PPFIA2: variants seen among roughly 807,000 people sequenced by gnomAD.
PPFIA2 encodes liprin-alpha-2.
In PPFIA2, 46 loss-of-function variants were observed where a neutral mutation model predicts 175.5. The ratio of observed to expected loss-of-function variants is 0.26; its 90% confidence interval spans 0.21 to 0.34. The LOEUF is 0.34. Among genes scored for constraint, PPFIA2 ranks in the 10% least tolerant of loss-of-function variants. The pLI is 1.00. For synonymous variants in PPFIA2, 568 were observed against 511.4 expected, an observed-to-expected ratio of 1.11 and a Z score of -1.49; for missense variants, 1,179 against 1,506.1, an observed-to-expected ratio of 0.78 and a Z score of 3.60.
intron 4 of PPFIA2, among the ~76,000 whole-genome samples, chr12:81,594,410 T>C (rs556307707): frequency 2.6e-5 from 4 of 152,268 alleles, no homozygotes; most frequent in Admixed American, 2.6e-4. Flanking sequence ...AATAAATAAA[T>C]ATATCTTAAA....
intron 4 of PPFIA2, among the ~76,000 whole-genome samples, chr12:81,555,703 A>G (rs1196647685): frequency 6.6e-6 from 1 of 151,956 alleles, no homozygotes; most frequent in East Asian, 1.9e-4. Context: ...CAAATCTGTA[A>G]GTCAGTAAAT....
intron 4 of PPFIA2, among the ~76,000 whole-genome samples, chr12:81,496,594 C>A (rs115044143): frequency 7.3e-4 from 111 of 152,136 alleles, no homozygotes; most frequent in African/African-American, 2.7e-3. Context: ...TGTGGCAAAA[C>A]AATCATAAAT....
At chr12:81,336,298 T>C (rs181548587) in intron 21 of PPFIA2, among the ~76,000 whole-genome samples, 12 of 152,312 alleles carry the variant, frequency 7.9e-5, no homozygotes, top group Non-Finnish European at 1.8e-4. Flanking sequence ...TGCTTTTCAA[T>C]ACAGTGCTTC....
At chr12:81,750,600 T>G (rs1922542) in intron 3 of PPFIA2, among the ~76,000 whole-genome samples, 127,531 of 151,616 alleles carry the variant, frequency 0.84, 54,968 homozygotes, top group Middle Eastern at 0.96. Context: ...GCTAAGAAAC[T>G]TCAGGCCTGG....
chr12:81,745,490 C>G (rs1347368356), intron 3 of PPFIA2, among the ~76,000 whole-genome samples: 1 of 152,172 alleles, frequency 6.6e-6, no homozygotes, highest in African/African-American at 2.4e-5. Context: ...GAAGCAATGA[C>G]CTTTTTTTTC....
intron 4 of PPFIA2, among the ~76,000 whole-genome samples, chr12:81,481,445 A>G (rs117071545): frequency 0.076 from 11,511 of 152,166 alleles, 568 homozygotes; most frequent in East Asian, 0.2. Context: ...ACAATACTAA[A>G]CAAAAAGAAC....
intron 4 of PPFIA2, among the ~76,000 whole-genome samples, chr12:81,494,286 C>A (rs1401363617): frequency 1.3e-5 from 2 of 151,856 alleles, no homozygotes; most frequent in East Asian, 3.9e-4. Flanking sequence ...GGGCAAAGGA[C>A]ATGAACAGAC....
chr12:81,577,574 A>C (rs2073771361), intron 4 of PPFIA2, among the ~76,000 whole-genome samples: 1 of 151,922 alleles, frequency 6.6e-6, no homozygotes, highest in African/African-American at 2.4e-5. Context: ...AAAGATTTTC[A>C]GCAAGAAAGT....
intron 4 of PPFIA2, among the ~76,000 whole-genome samples, chr12:81,611,333 C>T (rs571111495): frequency 1.1e-4 from 17 of 152,270 alleles, no homozygotes; most frequent in Non-Finnish European, 2.2e-4. Flanking sequence ...ACTGGCCCCT[C>T]TCAGTGTTCT....
Position 81,314,242 on chromosome 12 carries a change from A to C in PPFIA2, c.2642+11535T>G, listed in dbSNP as rs571313606. Among the ~76,000 whole-genome samples, 5 of 152,028 alleles carry C rather than the reference A, an allele frequency of 3.3e-5. No individual in the cohort carries two copies. In the East Asian group the frequency reaches 9.6e-4, roughly 29 times the overall value. ...ATAAACTTCATATAGGAGGTAATAT[A>C]TATTTGCAGAGAAGTTTTTTCTGAT... On this transcript the variant is annotated intron_variant, in intron 22 of 32. Coordinates refer to ENST00000549396, the MANE Select transcript of PPFIA2 (RefSeq NM_003625.5).
At chr12:81,715,991 C>G (rs780477264) in intron 3 of PPFIA2, among the ~76,000 whole-genome samples, 50 of 150,956 alleles carry the variant, frequency 3.3e-4, no homozygotes, top group Non-Finnish European at 6.2e-4. Context: ...TTTTCTGTAA[C>G]AAATATTTAA....
chr12:81,633,781 T>C (rs1374322150), intron 4 of PPFIA2, among the ~76,000 whole-genome samples: 3 of 152,104 alleles, frequency 2.0e-5, no homozygotes, highest in African/African-American at 7.2e-5. Flanking sequence ...AAATTAGCCA[T>C]AATTCCTTAT....
At chr12:81,323,328 C>T (rs1041024269) in intron 22 of PPFIA2, among the ~76,000 whole-genome samples, 3 of 152,048 alleles carry the variant, frequency 2.0e-5, no homozygotes, top group Non-Finnish European at 4.4e-5. Context: ...CACCATTTTG[C>T]CAGTCCAATG....
At chr12:81,666,669 AGTTACTGG>A (rs1387096953) in intron 4 of PPFIA2, among the ~76,000 whole-genome samples, 1 of 152,108 alleles carries the variant, frequency 6.6e-6, no homozygotes, top group Non-Finnish European at 1.5e-5. Context: ...TTAATTGACG[AGTTACTGG>A]GTGCAGCACA....
intron 4 of PPFIA2, among the ~76,000 whole-genome samples, chr12:81,556,777 G>T (rs1286427750): frequency 1.3e-5 from 2 of 151,844 alleles, no homozygotes; most frequent in East Asian, 3.9e-4. Flanking sequence ...AAACCTGGGG[G>T]CTACCCATTG....
intron 7 of PPFIA2, among the ~76,000 whole-genome samples, chr12:81,425,830 C>G (rs143551314): frequency 7.2e-5 from 11 of 152,186 alleles, no homozygotes; most frequent in African/African-American, 2.6e-4. Flanking sequence ...ATGAAAAATA[C>G]CATTTTGGCT....
chr12:81,499,284 T>C (rs1321276200), intron 4 of PPFIA2, among the ~76,000 whole-genome samples: 1 of 152,216 alleles, frequency 6.6e-6, no homozygotes, highest in Non-Finnish European at 1.5e-5. Context: ...CCCAACTGTT[T>C]GTTTTCTTTC....
chr12:81,456,713 T>C (rs2053629417), intron 5 of PPFIA2, among the ~76,000 whole-genome samples: 1 of 152,182 alleles, frequency 6.6e-6, no homozygotes, highest in South Asian at 2.1e-4. Flanking sequence ...ATGGGTAATG[T>C]GGTAATTTAC....
intron 5 of PPFIA2, among the ~76,000 whole-genome samples, chr12:81,456,932 C>A (rs2053664574): frequency 1.3e-5 from 2 of 151,974 alleles, no homozygotes; most frequent in East Asian, 3.9e-4. Flanking sequence ...TAAAGGCACT[C>A]CTCTTTTAAT....
Sources: gnomAD v4.1 joint callset for allele counts (sites outside exome capture counted in the v4.1 genomes callset) on GRCh38, gnomAD v4.1.1 for gene constraint, MANE v1.5 for transcripts, NCBI Gene and HGNC (gene_info 2026-07-23, HGNC 2026-07-21) for gene names.